STPG2: variants seen among roughly 807,000 people sequenced by gnomAD.
The protein encoded by STPG2 is sperm-tail PG-rich repeat-containing protein 2.
STPG2 carries 56 observed loss-of-function variants against 54.2 expected under a neutral mutation model. The ratio of observed to expected loss-of-function variants is 1.03; its 90% CI spans 0.83 to 1.29. The LOEUF (loss-of-function observed/expected upper bound fraction) is 1.29. Among genes scored for constraint, STPG2 ranks in the 50% most tolerant of loss-of-function variants. The probability of loss-of-function intolerance (pLI) is 0.00; values close to 1 mark genes in which losing one functional copy is unlikely to be tolerated. For synonymous variants in STPG2, 200 were observed against 181.8 expected, an observed-to-expected ratio of 1.10 and a Z score of -0.81; for missense variants, 596 against 544.9, an observed-to-expected ratio of 1.09 and a Z score of -0.93.
intron 10 of STPG2, among the ~76,000 whole-genome samples, chr4:97,638,704 CA>C (rs1345988599): frequency 6.8e-6 from 1 of 146,272 alleles, no homozygotes; most frequent in African/African-American, 2.7e-5. Context: ...AGACACTTCT[CA>C]AAAGAAGACA....
intron 8 of STPG2, among the ~76,000 whole-genome samples, chr4:97,881,365 C>A (rs961088832): frequency 3.9e-5 from 6 of 152,104 alleles, no homozygotes; most frequent in African/African-American, 1.4e-4. Flanking sequence ...TCCCTAAGGT[C>A]TATTCCATCT....
At chr4:97,838,167 C>G (rs79398366) in intron 9 of STPG2, among the ~76,000 whole-genome samples, 1 of 150,946 alleles carries the variant, frequency 6.6e-6, no homozygotes, top group Non-Finnish European at 1.5e-5. Context: ...TGCATCCAAC[C>G]AAAAAAGGTC....
chr4:97,957,903 GA>G (rs1285898140), intron 7 of STPG2, among the ~76,000 whole-genome samples: 2 of 152,078 alleles, frequency 1.3e-5, no homozygotes, highest in Non-Finnish European at 2.9e-5. Context: ...AGTACTACAA[GA>G]ACTGCTAAAA....
At chr4:97,508,658 A>C (rs1189218774) in intron 4 of STPG2, among the ~76,000 whole-genome samples, 1 of 152,120 alleles carries the variant, frequency 6.6e-6, no homozygotes, top group Non-Finnish European at 1.5e-5. Context: ...TTAACTTAAT[A>C]AAAAGTATGT....
chr4:98,080,053 T>C (rs936847712), intron 5 of STPG2, among the ~76,000 whole-genome samples: 4 of 152,070 alleles, frequency 2.6e-5, no homozygotes, highest in Non-Finnish European at 5.9e-5. Context: ...CCTAAGCTCT[T>C]AAAGAAAATC....
At chr4:97,793,994 T>C (rs146794017) in intron 9 of STPG2, among the ~76,000 whole-genome samples, 20 of 152,212 alleles carry the variant, frequency 1.3e-4, no homozygotes, top group African/African-American at 4.1e-4. Flanking sequence ...AAAAAATGCA[T>C]GGCTTGGAGG....
intron 8 of STPG2, among the ~76,000 whole-genome samples, chr4:97,932,811 G>A (rs1337586395): frequency 6.6e-6 from 1 of 152,132 alleles, no homozygotes; most frequent in South Asian, 2.1e-4. Context: ...ATTGTGAATA[G>A]TGCTGCAATA....
chr4:97,786,934 T>C (rs527720497), intron 9 of STPG2, among the ~76,000 whole-genome samples: 4 of 152,124 alleles, frequency 2.6e-5, no homozygotes, highest in African/African-American at 7.2e-5. Context: ...TATGTATCTA[T>C]AGGAAAAAAC....
intron 9 of STPG2, among the ~76,000 whole-genome samples, chr4:97,758,173 G>A (rs935350392): frequency 5.3e-5 from 8 of 152,096 alleles, no homozygotes; most frequent in African/African-American, 1.9e-4. Flanking sequence ...ACCTTAAGGG[G>A]CCATTTATGT....
chr4:97,778,042 G>A (rs368450811), intron 9 of STPG2, among the ~76,000 whole-genome samples: 10 of 152,222 alleles, frequency 6.6e-5, no homozygotes, highest in South Asian at 2.1e-4. Context: ...GGTTCATCTC[G>A]CTGGGGTTCG....
At chr4:97,840,414 A>AG (rs200841237) in intron 9 of STPG2, among the ~76,000 whole-genome samples, 1,848 of 151,812 alleles carry the variant, frequency 0.012, 34 homozygotes, top group African/African-American at 0.042. Flanking sequence ...TTTGAAAAAA[A>AG]TAACTTAAGT....
chr4:97,702,068 A>G (rs528520477), intron 10 of STPG2, among the ~76,000 whole-genome samples: 62 of 152,290 alleles, frequency 4.1e-4, no homozygotes, highest in Non-Finnish European at 8.5e-4. Flanking sequence ...AGCTGGGATG[A>G]GTAGGTCTAA....
intron 2 of STPG2, among the ~76,000 whole-genome samples, chr4:98,133,516 A>G (rs1382357152): frequency 1.3e-5 from 2 of 152,046 alleles, no homozygotes; most frequent in African/African-American, 4.8e-5. Flanking sequence ...GCAATTCACT[A>G]CTTGATTACT....
intron 9 of STPG2, among the ~76,000 whole-genome samples, chr4:97,757,388 T>A (rs1341242363): frequency 6.6e-6 from 1 of 152,186 alleles, no homozygotes; most frequent in Non-Finnish European, 1.5e-5. Flanking sequence ...CAAGATGAGA[T>A]ACTGTGATTA....
chr4:97,971,298 T>C lies in STPG2; in HGVS notation c.933+982A>G, dbSNP rs536870528. Among the ~76,000 whole-genome samples the C allele has an allele frequency of 7.9e-5, 12 of 152,318 alleles. 1 individual carries two copies. The highest frequency in any genetic ancestry group is 6.8e-3 in the Middle Eastern group (2 of 294). On this transcript the variant is annotated intron_variant, in intron 7 of 10. Transcript: ENST00000295268. ...ACCATTTGACCCAGCAATCCCATTA[T>C]TGGGTATATACCCAAGGGATTATAA...
chr4:97,516,385 C>G (rs922529023), intron 4 of STPG2, among the ~76,000 whole-genome samples: 1 of 152,126 alleles, frequency 6.6e-6, no homozygotes, highest in African/African-American at 2.4e-5. Context: ...TTGTAATGCA[C>G]AGTGTACCAT....
chr4:97,883,092 A>G (rs1730437233), intron 8 of STPG2, among the ~76,000 whole-genome samples: 1 of 151,764 alleles, frequency 6.6e-6, no homozygotes, highest in Admixed American at 6.6e-5. Context: ...CTAAGGTGGG[A>G]GGATCGCTTG....
intron 5 of STPG2, among the ~76,000 whole-genome samples, chr4:98,097,215 T>C (rs567701483): frequency 2.0e-5 from 3 of 152,188 alleles, no homozygotes; most frequent in Admixed American, 2.0e-4. Flanking sequence ...CGAACATAGA[T>C]GCAAAAATCC....
intron 6 of STPG2, among the ~76,000 whole-genome samples, chr4:97,979,146 G>A (rs2149261787): frequency 6.6e-6 from 1 of 152,270 alleles, no homozygotes; most frequent in South Asian, 2.1e-4. Context: ...GGTTTTATAA[G>A]AATCGTATCA....
Sources: gnomAD v4.1 joint callset for allele counts (sites outside exome capture counted in the v4.1 genomes callset) on GRCh38, gnomAD v4.1.1 for gene constraint, MANE v1.5 for transcripts, NCBI Gene and HGNC (gene_info 2026-07-23, HGNC 2026-07-21) for gene names.